PHACTR1: variants seen among roughly 807,000 people sequenced by gnomAD.
The protein encoded by PHACTR1 is RPEL repeat containing 1.
PHACTR1 carries 16 observed loss-of-function variants against 69.2 expected under a neutral mutation model. The observed-to-expected ratio is 0.23, with a 90% CI of 0.16 to 0.35. The LOEUF (loss-of-function observed/expected upper bound fraction) is 0.35. PHACTR1 is among the 10% of genes least tolerant of loss of function. The pLI is 1.00. For missense variants in PHACTR1, 510 were observed against 734.7 expected, an observed-to-expected ratio of 0.69 and a Z score of 3.54; for synonymous variants, 312 against 284.5, an observed-to-expected ratio of 1.10 and a Z score of -0.97.
intron 4 of PHACTR1, among the ~76,000 whole-genome samples, chr6:12,965,452 T>TTTC (rs1793345232): frequency 3.8e-4 from 1 of 2,638 alleles, no homozygotes; most frequent in South Asian, 0.01. Flanking sequence ...ATTTTGTGCC[T>TTTC]TTTTTTTTTT....
chr6:12,921,417 G>C (rs1787638770), intron 4 of PHACTR1, among the ~76,000 whole-genome samples: 1 of 150,794 alleles, frequency 6.6e-6, no homozygotes, highest in African/African-American at 2.4e-5. Context: ...TAAAATGCTA[G>C]TGCACTGTGA....
intron 4 of PHACTR1, among the ~76,000 whole-genome samples, chr6:13,038,862 C>T (rs914097834): frequency 6.6e-6 from 1 of 152,302 alleles, no homozygotes; most frequent in Middle Eastern, 3.4e-3. Flanking sequence ...TATGAAGTGG[C>T]CCTTGTCCTC....
chr6:12,943,421 T>C (rs1790257899), intron 4 of PHACTR1, among the ~76,000 whole-genome samples: 1 of 152,188 alleles, frequency 6.6e-6, no homozygotes, highest in African/African-American at 2.4e-5. Flanking sequence ...GAAAATATTA[T>C]AGCACTACGT....
intron 4 of PHACTR1, among the ~76,000 whole-genome samples, chr6:12,750,014 T>G (rs1766386949): frequency 6.6e-6 from 1 of 152,146 alleles, no homozygotes; most frequent in Non-Finnish European, 1.5e-5. Context: ...CCACGCGGGC[T>G]TCCCCGGCAC....
At chr6:12,907,957 C>T (rs926262451) in intron 4 of PHACTR1, among the ~76,000 whole-genome samples, 9 of 152,142 alleles carry the variant, frequency 5.9e-5, no homozygotes, top group African/African-American at 2.2e-4. Context: ...TATTATTTCA[C>T]AATATAAAAA....
intron 4 of PHACTR1, among the ~76,000 whole-genome samples, chr6:13,033,376 A>G (rs1802763662): frequency 6.6e-6 from 1 of 152,178 alleles, no homozygotes; most frequent in Non-Finnish European, 1.5e-5. Context: ...ATGACTGCAT[A>G]CACTTGTCAT....
chr6:12,749,378 C>A, intron 3 of PHACTR1: 1 of 534,402 alleles, frequency 1.9e-6, no homozygotes, highest in East Asian at 4.2e-5. Context: ...CCCCGGGCGC[C>A]AGCCAGGGAT....
intron 10 of PHACTR1, among the ~76,000 whole-genome samples, chr6:13,237,656 A>G (rs896934496): frequency 2.0e-5 from 3 of 152,242 alleles, no homozygotes; most frequent in Non-Finnish European, 4.4e-5. Context: ...ATTAGTTTGA[A>G]TGTACAGTCA....
At position 13,287,388 on chromosome 6, in the gene PHACTR1, C is replaced by T; in HGVS notation, c.*310C>T. On this transcript the variant is annotated 3_prime_UTR_variant, in exon 15 of 15. Coordinates refer to ENST00000332995, the MANE Select transcript of PHACTR1 (RefSeq NM_030948.6). ...CAGGTGGAACGGTCCTTGTCCTCTC[C>T]AGCCAGGCCCAGCAGGCACTACCTT... 2 of 404,184 alleles carry T rather than the reference C, an allele frequency of 4.9e-6. No individual in the cohort carries two copies. The highest frequency in any genetic ancestry group is 3.0e-5 in the South Asian group (1 of 33,816). 25.0% of individuals were successfully genotyped at this position (404,184 alleles called of 1,614,324 possible). A position where few individuals can be genotyped will look rare whatever the true frequency, so the allele number is the denominator to read the frequency against.
chr6:12,844,559 A>G (rs550458904), intron 4 of PHACTR1, among the ~76,000 whole-genome samples: 2 of 152,328 alleles, frequency 1.3e-5, no homozygotes, highest in East Asian at 3.9e-4. Flanking sequence ...GAGGTAAAGC[A>G]CACAAACCAG....
chr6:12,788,518 C>T (rs1771832773), intron 4 of PHACTR1, among the ~76,000 whole-genome samples: 1 of 152,104 alleles, frequency 6.6e-6, no homozygotes, highest in Non-Finnish European at 1.5e-5. Flanking sequence ...TTTTATTTCA[C>T]CTTGATTCAC....
At chr6:13,173,439 G>A (rs1473769837) in intron 6 of PHACTR1, among the ~76,000 whole-genome samples, 2 of 151,992 alleles carry the variant, frequency 1.3e-5, no homozygotes, top group African/African-American at 2.4e-5. Flanking sequence ...GTAATCACAC[G>A]AACTCCCTAA....
At chr6:13,192,392 A>G (rs1411284893) in intron 7 of PHACTR1, among the ~76,000 whole-genome samples, 1 of 152,334 alleles carries the variant, frequency 6.6e-6, no homozygotes, top group African/African-American at 2.4e-5. Context: ...AAGGCTTATT[A>G]TGTTCAAGAA....
chr6:13,024,607 T>C (rs1384306439), intron 4 of PHACTR1, among the ~76,000 whole-genome samples: 1 of 152,156 alleles, frequency 6.6e-6, no homozygotes. Flanking sequence ...ACAGTGAACC[T>C]TTTTTGCCTG....
intron 4 of PHACTR1, among the ~76,000 whole-genome samples, chr6:12,799,328 G>T (rs1422453173): frequency 6.6e-6 from 1 of 152,114 alleles, no homozygotes; most frequent in Non-Finnish European, 1.5e-5. Context: ...GGGCTCTGGT[G>T]TGTAATGCCA....
intron 6 of PHACTR1, among the ~76,000 whole-genome samples, chr6:13,166,237 CTCTAAGT>C (rs1759787229): frequency 6.6e-6 from 1 of 152,254 alleles, no homozygotes. Context: ...CTGCCGCCTT[CTCTAAGT>C]TCTTAGACCC....
intron 5 of PHACTR1, among the ~76,000 whole-genome samples, chr6:13,103,641 A>G (rs1427230542): frequency 6.6e-6 from 1 of 152,244 alleles, no homozygotes; most frequent in East Asian, 1.9e-4. Flanking sequence ...TTTTAAACTT[A>G]CAGGAAAGTT....
chr6:13,117,580 C>T (rs1818000743), intron 5 of PHACTR1, among the ~76,000 whole-genome samples: 1 of 152,200 alleles, frequency 6.6e-6, no homozygotes, highest in Non-Finnish European at 1.5e-5. Flanking sequence ...CCAGTTAGTA[C>T]ACACTGTAAG....
intron 4 of PHACTR1, among the ~76,000 whole-genome samples, chr6:12,751,802 A>G (rs967933862): frequency 2.1e-4 from 32 of 152,234 alleles, no homozygotes; most frequent in African/African-American, 7.2e-4. Flanking sequence ...TAAAGTGTCA[A>G]GAAAGACACC....
Sources: allele counts gnomAD v4.1 joint callset (sites outside exome capture counted in the v4.1 genomes callset), GRCh38; gene constraint gnomAD v4.1.1; transcripts MANE v1.5; gene names NCBI Gene and HGNC (gene_info 2026-07-23, HGNC 2026-07-21).